HPSE2: variants seen among roughly 807,000 people sequenced by gnomAD.
HPSE2 encodes the protein heparanase 2 (inactive), also known as inactive heparanase-2.
A neutral mutation model predicts 60.5 loss-of-function variants in HPSE2; 38 were observed. That is an observed-to-expected ratio of 0.63 (90% CI 0.48 to 0.82). HPSE2 has a LOEUF of 0.82. Among genes scored for constraint, HPSE2 ranks in the 40% least tolerant of loss-of-function variants. The pLI is 0.00. For missense variants in HPSE2, 713 were observed against 740.4 expected (o/e 0.96, Z 0.43); for synonymous variants, 295 against 293.2 (o/e 1.01, Z -0.06).
At chr10:98,775,722 G>A (rs1201958356) in intron 3 of HPSE2, among the ~76,000 whole-genome samples, 1 of 151,982 alleles carries the variant, frequency 6.6e-6, no homozygotes, top group Non-Finnish European at 1.5e-5. Context: ...TACTAATATT[G>A]TAGTCCGAAA....
chr10:99,137,098 T>C (rs930600673), intron 3 of HPSE2, among the ~76,000 whole-genome samples: 3 of 151,880 alleles, frequency 2.0e-5, no homozygotes, highest in South Asian at 2.1e-4. Flanking sequence ...ACACCAATAA[T>C]AGACAAACAG....
Position 98,941,053 on chromosome 10 carries a change from C to T in HPSE2, c.611-196997G>A, listed in dbSNP as rs181340883. On this transcript the variant is annotated intron_variant, in intron 3 of 11. Transcript: ENST00000370552. ...CAACAACCCTTCATGCTAAAACTCT[C>T]AATAAATTAGGTATTGATGGGACGT... is the stretch of plus-strand genomic sequence containing the variant. Among the ~76,000 whole-genome samples the T allele has an allele frequency of 1.1e-3, 154 of 139,178 alleles. 12 individuals are homozygous for T. In the East Asian group the frequency reaches 0.015, roughly 14 times the overall value. 91.3% of individuals were successfully genotyped at this position (139,178 alleles called of 152,430 possible).
intron 9 of HPSE2, among the ~76,000 whole-genome samples, chr10:98,560,368 T>G (rs1250975089): frequency 6.6e-6 from 1 of 152,188 alleles, no homozygotes; most frequent in African/African-American, 2.4e-5. Context: ...CTCAACCAGA[T>G]TTCATCGTGA....
At chr10:99,268,204 T>G in the HPSE2 span, among the ~76,000 whole-genome samples, 1 of 152,180 alleles carries the variant, frequency 6.6e-6, no homozygotes, top group East Asian at 1.9e-4. Flanking sequence ...CAAAGAAGCC[T>G]TCATAAAAAT....
chr10:98,999,168 T>TGTGTGTGC (rs1956718865), intron 3 of HPSE2, among the ~76,000 whole-genome samples: 1 of 151,342 alleles, frequency 6.6e-6, no homozygotes, highest in Non-Finnish European at 1.5e-5. Context: ...TGTGTGTGTG[T>TGTGTGTGC]GTGTGTGTGT....
At chr10:99,075,173 A>G (rs766234290) in intron 3 of HPSE2, among the ~76,000 whole-genome samples, 1 of 151,928 alleles carries the variant, frequency 6.6e-6, no homozygotes, top group African/African-American at 2.4e-5. Context: ...ATCACTATCA[A>G]CTTTTCTCTT....
At position 98,459,692 on chromosome 10, in the gene HPSE2, G is replaced by A; in HGVS notation, c.1661C>T (p.Thr554Ile). ...GGGGCGGGGCTTCAATTCTGGGAGG[G>A]TCCCGTCGTCCACCATCACTAAGGG... ...GQPLVMVDDG[T>I]LPELKPRPLR... Residue 554 changes from threonine (T) to isoleucine (I), a missense_variant, in exon 12 of 12, where the codon ACC becomes ATC. Thr to Ile is a moderately conservative substitution (Grantham distance 89). Coordinates refer to ENST00000370552, the MANE Select transcript of HPSE2 (RefSeq NM_021828.5). The A allele has an allele frequency of 6.2e-7, 1 of 1,614,050 alleles. No individual in the cohort carries two copies. Among genetic ancestry groups the A allele is most frequent in the Non-Finnish European group, 8.5e-7 (1 of 1,180,012 alleles).
At chr10:99,013,186 A>G in intron 3 of HPSE2, 3 of 670,696 alleles carry the variant, frequency 4.5e-6, no homozygotes, top group Non-Finnish European at 8.5e-6. Context: ...TGGATATGCC[A>G]CTGGTGATCT....
In HPSE2 at chr10:98,937,836, C is replaced by G. The variant is rs1442228271; in HGVS notation, c.611-193780G>C. 5.1e-4 allele frequency among the ~76,000 whole-genome samples: 73 copies of G among 143,286 alleles called. 17 individuals are homozygous for G. The highest frequency in any genetic ancestry group is 2.0e-3 in the African/African-American group (71 of 35,064). 94.0% of individuals were successfully genotyped at this position (143,286 alleles called of 152,430 possible). ...CCAAGCAGCCTAACTGGGAGGCACC[C>G]CCCAGTAGGGGCAGACTGACACCTC... On this transcript the variant is annotated intron_variant, in intron 3 of 11. Transcript: ENST00000370552.
At chr10:98,491,394 G>A (rs539030896) in intron 9 of HPSE2, among the ~76,000 whole-genome samples, 7 of 152,204 alleles carry the variant, frequency 4.6e-5, no homozygotes, top group Admixed American at 3.3e-4. Context: ...TAGGATGGCT[G>A]TTAAATATGG....
intron 9 of HPSE2, among the ~76,000 whole-genome samples, chr10:98,558,246 C>T (rs1194039428): frequency 6.6e-6 from 1 of 152,180 alleles, no homozygotes; most frequent in Non-Finnish European, 1.5e-5. Context: ...TTCTATGATC[C>T]TGCTACTCCA....
At chr10:98,901,823 A>G (rs1953674844) in intron 3 of HPSE2, among the ~76,000 whole-genome samples, 1 of 152,194 alleles carries the variant, frequency 6.6e-6, no homozygotes, top group Non-Finnish European at 1.5e-5. Context: ...GCTGTTAAAT[A>G]TTCATAATAA....
At chr10:99,289,417 C>T in the HPSE2 span, among the ~76,000 whole-genome samples, 1 of 151,830 alleles carries the variant, frequency 6.6e-6, no homozygotes, top group Non-Finnish European at 1.5e-5. Context: ...CTTTACTTTT[C>T]ACATCCTACA....
At chr10:98,843,258 A>C (rs1951960305) in intron 3 of HPSE2, among the ~76,000 whole-genome samples, 1 of 151,940 alleles carries the variant, frequency 6.6e-6, no homozygotes, top group Non-Finnish European at 1.5e-5. Flanking sequence ...ATGCGTTCTC[A>C]TCATTTAGCT....
intron 3 of HPSE2, among the ~76,000 whole-genome samples, chr10:98,984,328 G>A (rs963667346): frequency 6.6e-6 from 1 of 152,182 alleles, no homozygotes; most frequent in African/African-American, 2.4e-5. Context: ...AACATTTGCT[G>A]TTTGCCAATA....
rs769652941 is a variant in HPSE2, at chr10:98,459,590, G to T, written c.1763C>A (p.Ala588Asp). ...FYVVKNVNAL[A>D]CRYR ...GAGGATAGCTTATCGGTAGCGGCAGGCCAAAGCATTGACATTCTTGACCAC... is the reference window on the plus strand; with the variant it reads ...GAGGATAGCTTATCGGTAGCGGCAGTCCAAAGCATTGACATTCTTGACCAC... The change falls in exon 12 of 12, where the codon GCC becomes GAC. Residue 588 changes from alanine to aspartate, a missense_variant. Coordinates refer to ENST00000370552, the MANE Select transcript of HPSE2 (RefSeq NM_021828.5). 1.9e-5 allele frequency: 31 copies of T among 1,614,022 alleles called. No individual in the cohort carries two copies. The highest frequency in any genetic ancestry group is 2.4e-5 in the Non-Finnish European group (28 of 1,180,024).
chr10:99,214,460 G>C (rs758325432), intron 2 of HPSE2, among the ~76,000 whole-genome samples: 1 of 152,000 alleles, frequency 6.6e-6, no homozygotes, highest in African/African-American at 2.4e-5. Context: ...ACTAATAAAT[G>C]GTTAAATGAA....
chr10:98,771,847 G>A (rs1950248193), intron 3 of HPSE2, among the ~76,000 whole-genome samples: 1 of 152,212 alleles, frequency 6.6e-6, no homozygotes, highest in African/African-American at 2.4e-5. Flanking sequence ...AAGTACCTGA[G>A]TTGCCCTGGC....
intron 2 of HPSE2, among the ~76,000 whole-genome samples, chr10:99,214,580 CA>C (rs1183600193): frequency 2.6e-5 from 4 of 151,962 alleles, no homozygotes; most frequent in African/African-American, 9.7e-5. Flanking sequence ...TTAAAGAAGA[CA>C]GTCACACAAA....
Sources: allele counts gnomAD v4.1 joint callset (sites outside exome capture counted in the v4.1 genomes callset), GRCh38; gene constraint gnomAD v4.1.1; transcripts MANE v1.5; gene names NCBI Gene and HGNC (gene_info 2026-07-23, HGNC 2026-07-21).